Variants in CAST observed in about 807,000 individuals in gnomAD.
CAST encodes the protein MIR583 host.
CAST carries 76 observed loss-of-function variants against 119.6 expected under a neutral mutation model. The observed-to-expected ratio is 0.64, with a 90% CI of 0.53 to 0.77. The LOEUF (loss-of-function observed/expected upper bound fraction) is 0.77, where lower values mean the gene tolerates loss of function less well. CAST is among the 30% of genes least tolerant of loss of function. CAST has a pLI of 0.00. For missense variants in CAST, 953 were observed against 946.5 expected (o/e 1.01, Z -0.09); for synonymous variants, 319 against 331.6 (o/e 0.96, Z 0.41).
chr5:95,966,085 G>A, the CAST span, among the ~76,000 whole-genome samples: 1 of 152,114 alleles, frequency 6.6e-6, no homozygotes, highest in Non-Finnish European at 1.5e-5. Context: ...TCCTTTAGAG[G>A]CTCAAGAGTT....
chr5:95,968,140 T>G, the CAST span, among the ~76,000 whole-genome samples: 1 of 152,210 alleles, frequency 6.6e-6, no homozygotes, highest in Non-Finnish European at 1.5e-5. Context: ...TGGTTGGTTC[T>G]ACTTCCATGG....
the CAST span, among the ~76,000 whole-genome samples, chr5:96,043,428 G>A: frequency 4.6e-5 from 7 of 152,294 alleles, no homozygotes; most frequent in Admixed American, 2.6e-4. Flanking sequence ...AAGTGGTTTC[G>A]TTATTATAAT....
chr5:95,967,942 T>C, the CAST span, among the ~76,000 whole-genome samples: 1 of 152,228 alleles, frequency 6.6e-6, no homozygotes, highest in Non-Finnish European at 1.5e-5. Context: ...TTTTATACTA[T>C]AGTTACCTTT....
At chr5:96,291,447 A>G in the CAST span, among the ~76,000 whole-genome samples, 3 of 152,202 alleles carry the variant, frequency 2.0e-5, no homozygotes, top group East Asian at 1.9e-4. Flanking sequence ...ATTCTACAAG[A>G]TGACAGTTCA....
the CAST span, among the ~76,000 whole-genome samples, chr5:96,366,434 G>T: frequency 8.5e-5 from 13 of 152,136 alleles, 1 homozygote; most frequent in Admixed American, 7.9e-4. Context: ...TTCCAATTTG[G>T]TTCCATTCTC....
intron 1 of CAST, among the ~76,000 whole-genome samples, chr5:96,622,583 T>G (rs1016027827): frequency 1.8e-4 from 28 of 152,088 alleles, no homozygotes; most frequent in African/African-American, 6.5e-4. Context: ...TCAATGCTGG[T>G]GAGCAGCCCC....
the CAST span, among the ~76,000 whole-genome samples, chr5:96,207,238 C>A: frequency 6.6e-6 from 1 of 152,078 alleles, no homozygotes; most frequent in Non-Finnish European, 1.5e-5. Context: ...AGAATCATAT[C>A]ATTTGCAAAC....
chr5:96,186,494 T>C, the CAST span, among the ~76,000 whole-genome samples: 542 of 152,340 alleles, frequency 3.6e-3, 6 homozygotes, highest in Non-Finnish European at 3.0e-3. Flanking sequence ...TTGTCGTATA[T>C]GACTCTTATT....
At chr5:96,118,974 C>A in the CAST span, among the ~76,000 whole-genome samples, 1 of 152,098 alleles carries the variant, frequency 6.6e-6, no homozygotes, top group African/African-American at 2.4e-5. Context: ...ATACAGAGAG[C>A]AGCAAGCCAG....
Position 96,582,608 on chromosome 5 carries a change from T to C in CAST, c.60+52728T>C, listed in dbSNP as rs536140878. On this transcript the variant is annotated intron_variant, in intron 1 of 11. Transcript: ENST00000505143. ...GGAAGGGGAGAATGGCATCTCATTATGTACTGGGACGGAGTGAGCAGTGCG... is the reference window on the plus strand; with the variant it reads ...GGAAGGGGAGAATGGCATCTCATTACGTACTGGGACGGAGTGAGCAGTGCG... Among the ~76,000 whole-genome samples, 53 of 152,352 alleles carry C rather than the reference T, an allele frequency of 3.5e-4. No individual in the cohort carries two copies. The South Asian group carries it at 0.01, about 29-fold the overall frequency.
chr5:96,208,044 T>C, the CAST span, among the ~76,000 whole-genome samples: 1 of 151,932 alleles, frequency 6.6e-6, no homozygotes, highest in Non-Finnish European at 1.5e-5. Flanking sequence ...TTTTCATGAA[T>C]TTAGCTCTTT....
the CAST span, among the ~76,000 whole-genome samples, chr5:96,376,021 C>T: frequency 6.6e-6 from 1 of 150,652 alleles, no homozygotes. Flanking sequence ...GACCATCACC[C>T]TCTAATATCA....
the CAST span, among the ~76,000 whole-genome samples, chr5:96,002,806 A>G: frequency 8.5e-5 from 13 of 152,330 alleles, no homozygotes; most frequent in African/African-American, 3.1e-4. Flanking sequence ...TGCTCTGAAT[A>G]ATTTTGCAAT....
chr5:96,523,052 G>A (rs536003626), upstream of CAST, among the ~76,000 whole-genome samples: 1 of 152,390 alleles, frequency 6.6e-6, no homozygotes, highest in African/African-American at 2.4e-5. Flanking sequence ...GAAGAGGAAT[G>A]ACTTTTGCTG....
intron 1 of CAST, among the ~76,000 whole-genome samples, chr5:96,534,732 AGAGAG>A (rs1745756046): frequency 5.2e-5 from 1 of 19,092 alleles, no homozygotes; most frequent in Non-Finnish European, 1.3e-4. Context: ...AGAGAGAGAG[AGAGAG>A]AGAGAAAGAA....
chr5:96,647,259 A>G (rs1172980790), intron 1 of CAST, among the ~76,000 whole-genome samples: 1 of 152,158 alleles, frequency 6.6e-6, no homozygotes. Flanking sequence ...ATTACATCCA[A>G]TCCAGACTTC....
chr5:96,311,836 A>C, the CAST span, among the ~76,000 whole-genome samples: 2 of 151,974 alleles, frequency 1.3e-5, no homozygotes, highest in African/African-American at 2.4e-5. Context: ...GCAGCATATA[A>C]TTGGGTCTTG....
At chr5:96,627,318 C>T (rs1747742638) in intron 1 of CAST, among the ~76,000 whole-genome samples, 1 of 152,202 alleles carries the variant, frequency 6.6e-6, no homozygotes, top group South Asian at 2.1e-4. Context: ...GTGTCTACAA[C>T]TCTGCAGAAG....
the CAST span, among the ~76,000 whole-genome samples, chr5:96,152,348 A>G: frequency 3.9e-5 from 6 of 152,202 alleles, no homozygotes; most frequent in Non-Finnish European, 1.5e-5. Flanking sequence ...TTTAAAGCTT[A>G]TATCCTGGGC....
Sources: allele counts gnomAD v4.1 joint callset (sites outside exome capture counted in the v4.1 genomes callset), GRCh38; gene constraint gnomAD v4.1.1; transcripts MANE v1.5; gene names NCBI Gene and HGNC (gene_info 2026-07-23, HGNC 2026-07-21).